Variants in CARD14 observed in about 807,000 individuals in gnomAD.
CARD14 encodes caspase recruitment domain-containing protein 14.
Under a neutral mutation model 111.5 loss-of-function variants are expected in CARD14, and 107 were observed. The observed-to-expected ratio is 0.96, with a 90% CI of 0.82 to 1.13. The LOEUF (loss-of-function observed/expected upper bound fraction) is 1.13, where lower values mean the gene tolerates loss of function less well. CARD14 is among the 50% of genes most tolerant of loss of function. The pLI is 0.00. For missense variants in CARD14, 1,322 were observed against 1,362.3 expected (o/e 0.97, Z 0.47); for synonymous variants, 617 against 579.6 (o/e 1.06, Z -0.93).
intron 14 of CARD14, among the ~76,000 whole-genome samples, chr17:80,197,755 G>A (rs2040769035): frequency 6.6e-6 from 1 of 152,214 alleles, no homozygotes; most frequent in African/African-American, 2.4e-5. Context: ...TCTTTCAAAT[G>A]TTGGCAACTC....
chr17:80,176,938 C>T (rs1025121017), intron 2 of CARD14, among the ~76,000 whole-genome samples: 6 of 152,200 alleles, frequency 3.9e-5, no homozygotes, highest in African/African-American at 1.4e-4. Context: ...TCCACATCGC[C>T]TTTGCCCCTG....
intron 16 of CARD14, among the ~76,000 whole-genome samples, chr17:80,199,576 A>AG (rs2040861208): frequency 6.9e-6 from 1 of 144,838 alleles, no homozygotes; most frequent in South Asian, 2.2e-4. Flanking sequence ...AAAAAAAAAA[A>AG]AAAAAGAAAA....
At chr17:80,191,522 G>A in intron 11 of CARD14, 50 bp downstream of exon 11, 1 of 1,590,636 alleles carries the variant, frequency 6.3e-7, no homozygotes, top group Non-Finnish European at 8.6e-7. Context: ...GGGCTGCGGT[G>A]ACAGTGGGAC....
chr17:80,196,504 C>T (rs1222990071), intron 14 of CARD14: 2 of 152,200 alleles, frequency 1.3e-5, no homozygotes, highest in Non-Finnish European at 2.9e-5. Flanking sequence ...GTGGAATTGA[C>T]CTCAAATACA....
In CARD14 at chr17:80,191,399, T is replaced by G. The variant is rs761614278; in HGVS notation, c.1166T>G (p.Val389Gly). ...GAGAAGGACTCCCTCCGCAGGCAGG[T>G]GTTCGAGCTGACGGACCAGGTCTGC... The part of the protein sequence containing the change: ...LVEKDSLRRQ[V>G]FELTDQVCEL... The change falls in exon 11 of 24, where the codon GTG becomes GGG. Residue 389 changes from valine (V) to glycine (G), a missense_variant. Transcript: ENST00000648509. 1 of 1,613,760 alleles carries G rather than the reference T, an allele frequency of 6.2e-7. No individual in the cohort carries two copies. The highest frequency in any genetic ancestry group is 8.5e-7 in the Non-Finnish European group (1 of 1,180,010).
intron 2 of CARD14, among the ~76,000 whole-genome samples, chr17:80,177,617 C>G (rs960886815): frequency 6.6e-6 from 1 of 152,182 alleles, no homozygotes; most frequent in Non-Finnish European, 1.5e-5. Flanking sequence ...ATTGCTTGAA[C>G]CCGGGAGACA....
chr17:80,185,643 C>T lies in CARD14; in HGVS notation c.675+1405C>T, dbSNP rs574668138. On this transcript the variant is annotated intron_variant, in intron 7 of 23. Coordinates refer to ENST00000648509, the MANE Select transcript of CARD14 (RefSeq NM_001366385.1). ...CCTGTGTTCTGGTTTTCTCATCTGT[C>T]CCAGTGACTCCTTCACAGCCTTTCC... Among the ~76,000 whole-genome samples, 74 of 152,270 alleles carry T rather than the reference C, an allele frequency of 4.9e-4. 1 individual carries two copies. Among genetic ancestry groups the T allele is most frequent in the Admixed American group, 4.8e-3 (73 of 15,296 alleles).
chr17:80,202,674 G>T, intron 18 of CARD14: 5 of 1,238,618 alleles, frequency 4.0e-6, no homozygotes, highest in Non-Finnish European at 5.3e-6. Flanking sequence ...TCTTAGCTTT[G>T]GTACCATGGA....
intron 23 of CARD14, among the ~76,000 whole-genome samples, 148 bp from the exon 24 acceptor site, chr17:80,207,983 ACTGGGGC>A (rs1222468288): frequency 6.6e-6 from 1 of 151,948 alleles, no homozygotes; most frequent in African/African-American, 2.4e-5. Context: ...GCCTCCCACC[ACTGGGGC>A]CTGGGGCCTA....
intron 7 of CARD14, 132 bp downstream of exon 7, chr17:80,184,370 G>A: frequency 1.2e-6 from 1 of 809,576 alleles, no homozygotes; most frequent in Non-Finnish European, 1.8e-6. Context: ...CGAGAGCCTT[G>A]GCTGAGACCC....
In CARD14 at chr17:80,188,090, G is replaced by A. The variant is rs970910329; in HGVS notation, c.676-287G>A. 3.6e-6 allele frequency: 2 copies of A among 563,198 alleles called. No homozygotes were observed. The highest frequency in any genetic ancestry group is 5.6e-5 in the Admixed American group (1 of 17,784). 34.9% of individuals were successfully genotyped at this position (563,198 alleles called of 1,614,324 possible). A position where few individuals can be genotyped will look rare whatever the true frequency, so the allele number is the denominator to read the frequency against. ...GCTCAGCTGTAGAGATCCAGGAGTT[G>A]GTTATCAAGGCCTCTTGGTCTATTC... On this transcript the variant is annotated intron_variant, in intron 7 of 23. Coordinates refer to ENST00000648509, the MANE Select transcript of CARD14 (RefSeq NM_001366385.1). This position sits in a 1 kb window ranked among gnomAD's most constrained non-coding sequence, Gnocchi z 4.5.
rs2041092239 is a variant in CARD14, at chr17:80,203,334, A to C, written c.2220-488A>C. Reference sequence around the variant, plus strand: ...CAGCCTATGGGAGGCTCCAAGTTTCAAGTGCACGGAACGCACAGTGCTAGA... The same window carrying C: ...CAGCCTATGGGAGGCTCCAAGTTTCCAGTGCACGGAACGCACAGTGCTAGA... On this transcript the variant is annotated intron_variant, in intron 18 of 23. Coordinates refer to ENST00000648509, the MANE Select transcript of CARD14 (RefSeq NM_001366385.1). The surrounding 1 kb of genome is among the most constrained non-coding windows in gnomAD (Gnocchi z 4.6). The C allele has an allele frequency of 6.5e-6, 1 of 154,764 alleles. No homozygotes were observed. Among genetic ancestry groups the C allele is most frequent in the South Asian group, 2.0e-4 (1 of 4,898 alleles). 9.6% of individuals were successfully genotyped at this position (154,764 alleles called of 1,614,324 possible).
chr17:80,198,839 G>A lies in CARD14; in HGVS notation c.1851+248G>A, dbSNP rs1016522334. ...CGCTTCTGACCAGGGGTCTTTGCAT[G>A]AGGCCCCTTGACAGGGCTGCTCTGG... On this transcript the variant is annotated intron_variant, in intron 16 of 23. Transcript: ENST00000648509. The surrounding 1 kb of genome is among the most constrained non-coding windows in gnomAD (Gnocchi z 7.5). 1 of 1,463,242 alleles carries A rather than the reference G, an allele frequency of 6.8e-7. No homozygotes were observed. Among genetic ancestry groups the A allele is most frequent in the Admixed American group, 2.4e-5 (1 of 41,070 alleles). 90.6% of individuals were successfully genotyped at this position (1,463,242 alleles called of 1,614,324 possible).
intron 7 of CARD14, 44 bp downstream of exon 7, chr17:80,184,282 GC>G: frequency 3.5e-6 from 5 of 1,434,018 alleles, no homozygotes; most frequent in East Asian, 5.2e-5. Flanking sequence ...GCTGTCGTCT[GC>G]CCCCAGGCCT....
At chr17:80,180,039 T>C (rs1305431649) in intron 4 of CARD14, among the ~76,000 whole-genome samples, 2 of 152,116 alleles carry the variant, frequency 1.3e-5, no homozygotes, top group Admixed American at 1.3e-4. Flanking sequence ...CAGTGCACAG[T>C]TTTAAAACAT....
intron 7 of CARD14, among the ~76,000 whole-genome samples, chr17:80,187,048 C>T (rs559362260): frequency 1.2e-4 from 19 of 152,370 alleles, no homozygotes; most frequent in African/African-American, 4.3e-4. Context: ...ATATAGTTCA[C>T]GTGCATACTT....
chr17:80,188,254 C>T lies in CARD14; in HGVS notation c.676-123C>T, dbSNP rs2040408445. 1.1e-5 allele frequency: 11 copies of T among 1,034,484 alleles called. No homozygotes were observed. The highest frequency in any genetic ancestry group is 3.1e-5 in the East Asian group (1 of 31,852). 64.1% of individuals were successfully genotyped at this position (1,034,484 alleles called of 1,614,324 possible). On this transcript the variant is annotated intron_variant, in intron 7 of 23. Coordinates refer to ENST00000648509, the MANE Select transcript of CARD14 (RefSeq NM_001366385.1). The surrounding 1 kb of genome is among the most constrained non-coding windows in gnomAD (Gnocchi z 4.5). ...AACCCTTTCGTGGGTTTTTCAGTCT[C>T]GAGGCAGGAAGCCCCCTGAGTGCTA...
intron 16 of CARD14, among the ~76,000 whole-genome samples, chr17:80,200,503 C>T (rs1480650471): frequency 6.6e-6 from 1 of 152,034 alleles, no homozygotes; most frequent in Non-Finnish European, 1.5e-5. Context: ...TCCTAAAGTG[C>T]TGGGATTACA....
Position 80,202,398 on chromosome 17 carries a change from G to A in CARD14, c.2197G>A (p.Gly733Ser), listed in dbSNP as rs747272365. 4.3e-6 allele frequency: 7 copies of A among 1,612,494 alleles called. No individual in the cohort carries two copies. Among genetic ancestry groups the A allele is most frequent in the Admixed American group, 1.7e-5 (1 of 59,984 alleles). The part of the protein sequence containing the change: ...SYTMKDTAAH[G>S]TIPNYSRAQQ... Reference sequence around the variant, plus strand: ...CACCATGAAGGATACTGCCGCGCACGGCACCATCCCCAACTACTCCAGGTG... The same window carrying A: ...CACCATGAAGGATACTGCCGCGCACAGCACCATCCCCAACTACTCCAGGTG... The change falls in exon 18 of 24, where the codon GGC (glycine) becomes AGC (serine). Residue 733 changes from glycine (G) to serine (S), a missense_variant. Transcript: ENST00000648509.
Sources: gnomAD v4.1 joint callset for allele counts (sites outside exome capture counted in the v4.1 genomes callset) on GRCh38, gnomAD v4.1.1 for gene constraint, Gnocchi (gnomAD v3.1) non-coding constraint, MANE v1.5 for transcripts, NCBI Gene and HGNC (gene_info 2026-07-23, HGNC 2026-07-21) for gene names.